BATF: variants seen among roughly 807,000 people sequenced by gnomAD.
BATF encodes the protein basic leucine zipper transcriptional factor ATF-like.
A neutral mutation model predicts 13.7 loss-of-function variants in BATF; 5 were observed. The observed-to-expected ratio is 0.36, with a 90% CI of 0.19 to 0.77. The LOEUF (loss-of-function observed/expected upper bound fraction) is 0.77. Among genes scored for constraint, BATF ranks in the 30% least tolerant of loss-of-function variants. The probability of loss-of-function intolerance (pLI) is 0.51; values close to 1 mark genes in which losing one functional copy is unlikely to be tolerated. For missense variants in BATF, 124 were observed against 163.0 expected (o/e 0.76, Z 1.30); for synonymous variants, 72 against 67.5 (o/e 1.07, Z -0.33).
rs545940987 is a variant in BATF, at chr14:75,538,813, A to G, written c.169-7649A>G. Among the ~76,000 whole-genome samples, 5 of 152,326 alleles carry G rather than the reference A, an allele frequency of 3.3e-5. No homozygotes were observed. The South Asian group carries it at 8.3e-4, about 25-fold the overall frequency. On this transcript the variant is annotated intron_variant, in intron 2 of 2. Coordinates refer to ENST00000286639, the MANE Select transcript of BATF (RefSeq NM_006399.5). ...CTACTAGGGAGGCTGAGGCAGGAGA[A>G]TGGCATGAACCCGGGAGGCGGAGCT...
intron 2 of BATF, among the ~76,000 whole-genome samples, chr14:75,544,792 ATT>A (rs55834315): frequency 0.02 from 2,658 of 134,074 alleles, 66 homozygotes; most frequent in African/African-American, 0.075. Context: ...TTGAACTGAA[ATT>A]TTTTTTTTTT....
At chr14:75,543,304 T>C (rs1000852183) in intron 2 of BATF, among the ~76,000 whole-genome samples, 6 of 152,184 alleles carry the variant, frequency 3.9e-5, no homozygotes, top group Admixed American at 2.0e-4. Flanking sequence ...TTAGAGGGGC[T>C]TCCTTTGTAC....
rs188244220 is a variant in BATF, at chr14:75,541,193, C to T, written c.169-5269C>T. The stretch of plus-strand genomic sequence containing the variant: ...TTTTCGTATAAATTGAGCCAGGTTA[C>T]ACCTTAGACCTATTAGATCAGAATC... On this transcript the variant is annotated intron_variant, in intron 2 of 2. Coordinates refer to ENST00000286639, the MANE Select transcript of BATF (RefSeq NM_006399.5). Among the ~76,000 whole-genome samples the T allele has an allele frequency of 3.3e-5, 5 of 152,318 alleles. No individual in the cohort carries two copies. In the East Asian group the frequency reaches 5.8e-4, roughly 18 times the overall value.
At chr14:75,537,390 G>A (rs757512866) in intron 2 of BATF, among the ~76,000 whole-genome samples, 1 of 152,152 alleles carries the variant, frequency 6.6e-6, no homozygotes, top group South Asian at 2.1e-4. Flanking sequence ...TTACTCAGCT[G>A]ACCCTTCTTC....
At chr14:75,542,232 GT>G (rs2140042330) in intron 2 of BATF, among the ~76,000 whole-genome samples, 1 of 152,298 alleles carries the variant, frequency 6.6e-6, no homozygotes, top group African/African-American at 2.4e-5. Context: ...GGTCTCAGTT[GT>G]CCTCATCTGT....
chr14:75,546,810 C>CGCCCTTCCAGTCGT lies in BATF; in HGVS notation c.*140_*141insCCCTTCCAGTCGTG. The CGCCCTTCCAGTCGT allele has an allele frequency of 8.3e-7, 1 of 1,201,894 alleles. No individual in the cohort carries two copies. Among genetic ancestry groups the CGCCCTTCCAGTCGT allele is most frequent in the African/African-American group, 1.5e-5 (1 of 65,944 alleles). The allele number at this position is 1,201,894 out of a possible 1,614,324, so 74.5% of individuals were successfully genotyped here. A position where few individuals can be genotyped will look rare whatever the true frequency, so the allele number is the denominator to read the frequency against. ...CAAGGAGTGAACACGGGAACTGTCA[C>CGCCCTTCCAGTCGT]GACTGGAAGGGCGTGAGGCCTCCCA... On this transcript the variant is annotated 3_prime_UTR_variant, in exon 3 of 3. Transcript: ENST00000286639.
rs1197796730 is a variant in BATF at position 75,546,643 on chromosome 14, A to G, written c.350A>G (p.His117Arg). 6.2e-7 allele frequency: 1 copy of G among 1,609,882 alleles called. No individual in the cohort carries two copies. The highest frequency in any genetic ancestry group is 8.5e-7 in the Non-Finnish European group (1 of 1,177,856). ...AGCGCCCACGCATTCCACCAACCTC[A>G]TGTCAGCTCCCCGCGCTTCCAGCCC... ...VYSAHAFHQP[H>R]VSSPRFQP is the part of the protein sequence containing the mutation. The change falls in exon 3 of 3, where the codon CAT (histidine) becomes CGT (arginine). Residue 117 changes from histidine to arginine, a missense_variant. Around this residue, in one of 2 missense-constraint regions of BATF, gnomAD observed 59 missense variants for 49.7 expected, o/e 1.19. Transcript: ENST00000286639.
intron 2 of BATF, among the ~76,000 whole-genome samples, chr14:75,525,805 T>G (rs1057177496): frequency 6.7e-6 from 1 of 148,782 alleles, no homozygotes; most frequent in Non-Finnish European, 1.5e-5. Context: ...AGGTATCAAG[T>G]GCTTTGGGGA....
chr14:75,525,507 A>C (rs1000757707), intron 2 of BATF, among the ~76,000 whole-genome samples: 1 of 151,962 alleles, frequency 6.6e-6, no homozygotes, highest in Non-Finnish European at 1.5e-5. Context: ...TACTAAAAAT[A>C]CAAAAAATTA....
chr14:75,536,724 A>AAAATAAAATAAAATC (rs1887824755), intron 2 of BATF, among the ~76,000 whole-genome samples: 1 of 143,180 alleles, frequency 7.0e-6, no homozygotes, highest in South Asian at 2.1e-4. Flanking sequence ...TCCTGTCTTT[A>AAAATAAAATAAAATC]AAATAAAATA....
At chr14:75,545,473 G>C (rs1298393697) in intron 2 of BATF, among the ~76,000 whole-genome samples, 1 of 146,916 alleles carries the variant, frequency 6.8e-6, no homozygotes, top group Admixed American at 6.9e-5. Flanking sequence ...GACTTCAGGT[G>C]ATCCACCCAC....
At chr14:75,528,361 A>T (rs2140035372) in intron 2 of BATF, among the ~76,000 whole-genome samples, 2 of 152,354 alleles carry the variant, frequency 1.3e-5, no homozygotes, top group Middle Eastern at 3.4e-3. Flanking sequence ...TTGTTCCTCT[A>T]GTGAGAGTGT....
At chr14:75,545,211 A>G (rs942108500) in intron 2 of BATF, among the ~76,000 whole-genome samples, 1 of 151,768 alleles carries the variant, frequency 6.6e-6, no homozygotes, top group African/African-American at 2.4e-5. Flanking sequence ...GTATTTATTT[A>G]TTTCATTTTT....
intron 2 of BATF, among the ~76,000 whole-genome samples, chr14:75,532,817 G>A (rs1304227878): frequency 6.6e-6 from 1 of 152,302 alleles, no homozygotes; most frequent in South Asian, 2.1e-4. Flanking sequence ...AAATTACAAA[G>A]AGCATGCAGA....
chr14:75,545,672 G>A (rs969941244), intron 2 of BATF, among the ~76,000 whole-genome samples: 5 of 152,138 alleles, frequency 3.3e-5, no homozygotes, highest in African/African-American at 9.7e-5. Context: ...GTGGAAAAGA[G>A]TGAAACTGGT....
At chr14:75,544,049 C>T (rs1019723574) in intron 2 of BATF, among the ~76,000 whole-genome samples, 2 of 152,126 alleles carry the variant, frequency 1.3e-5, no homozygotes, top group African/African-American at 2.4e-5. Flanking sequence ...AGTCAACAAA[C>T]ATCTGAGTTC....
Position 75,546,747 on chromosome 14 carries a change from C to A in BATF, c.*76C>A, listed in dbSNP as rs1371683095. ...CAGAGCTGCGCCCATCCCGCAGAGG[C>A]CCCTGTCCACCTGGAGACCCGGAGA... On this transcript the variant is annotated 3_prime_UTR_variant, in exon 3 of 3. Coordinates refer to ENST00000286639, the MANE Select transcript of BATF (RefSeq NM_006399.5). 7 of 1,438,196 alleles carry A rather than the reference C, an allele frequency of 4.9e-6. No individual in the cohort carries two copies. The highest frequency in any genetic ancestry group is 5.6e-6 in the Non-Finnish European group (6 of 1,076,216). The allele number at this position is 1,438,196 out of a possible 1,614,324, so 89.1% of individuals were successfully genotyped here. A position where few individuals can be genotyped will look rare whatever the true frequency, so the allele number is the denominator to read the frequency against.
rs140108499 is a variant in BATF at position 75,542,288 on chromosome 14, C to T, written c.169-4174C>T. On this transcript the variant is annotated intron_variant, in intron 2 of 2. Coordinates refer to ENST00000286639, the MANE Select transcript of BATF (RefSeq NM_006399.5). ...CTGACCTTCCCTATCCCACACAGAGCGTTATTGTGAGGAGTCTGATGGACC... is the reference window on the plus strand; with the variant it reads ...CTGACCTTCCCTATCCCACACAGAGTGTTATTGTGAGGAGTCTGATGGACC... Among the ~76,000 whole-genome samples, 82 of 152,258 alleles carry T rather than the reference C, an allele frequency of 5.4e-4. 1 individual carries two copies. The highest frequency in any genetic ancestry group is 9.2e-4 in the Admixed American group (14 of 15,296).
chr14:75,524,621 G>C (rs143422961), intron 1 of BATF, among the ~76,000 whole-genome samples: 2 of 152,116 alleles, frequency 1.3e-5, no homozygotes, highest in Non-Finnish European at 2.9e-5. Context: ...TTAAACAAGA[G>C]CACTTCTGAA....
Sources: gnomAD v4.1 joint callset for allele counts (sites outside exome capture counted in the v4.1 genomes callset) on GRCh38, gnomAD v4.1.1 for gene constraint, gnomAD v4.1.1 regional missense constraint, MANE v1.5 for transcripts, NCBI Gene and HGNC (gene_info 2026-07-23, HGNC 2026-07-21) for gene names.